The following TCERG1L variants were observed in gnomAD, a reference collection of about 807,000 sequenced individuals.
The protein encoded by TCERG1L is transcription elongation regulator 1 like.
In TCERG1L, 37 loss-of-function variants were observed where a neutral mutation model predicts 56.3. The observed-to-expected ratio is 0.66, with a 90% CI of 0.51 to 0.87. The LOEUF (loss-of-function observed/expected upper bound fraction) is 0.87, where lower values mean the gene tolerates loss of function less well. Among genes scored for constraint, TCERG1L ranks in the 40% least tolerant of loss-of-function variants. The pLI, the probability that TCERG1L is intolerant of heterozygous loss-of-function variation, is 0.00. For synonymous variants in TCERG1L, 324 were observed against 326.3 expected, an observed-to-expected ratio of 0.99 and a Z score of 0.08; for missense variants, 799 against 774.2, an observed-to-expected ratio of 1.03 and a Z score of -0.38.
chr10:131,160,039 G>A (rs760708466), intron 6 of TCERG1L, among the ~76,000 whole-genome samples: 4 of 152,170 alleles, frequency 2.6e-5, no homozygotes, highest in Admixed American at 1.3e-4. Flanking sequence ...AACATGAAAC[G>A]AGAAACGCAG....
At chr10:131,306,441 G>A (rs1419159815) in intron 3 of TCERG1L, among the ~76,000 whole-genome samples, 1 of 151,872 alleles carries the variant, frequency 6.6e-6, no homozygotes, top group East Asian at 1.9e-4. Context: ...GCAGAGAAGA[G>A]AAAAATCTAA....
At chr10:131,110,280 C>T (rs1410150444) in intron 9 of TCERG1L, among the ~76,000 whole-genome samples, 1 of 152,202 alleles carries the variant, frequency 6.6e-6, no homozygotes, top group Non-Finnish European at 1.5e-5. Flanking sequence ...ACAGACACAA[C>T]TGTCTCCTAA....
At position 131,143,146 on chromosome 10, in the gene TCERG1L, C is replaced by T. The variant is rs554316140; in HGVS notation, c.1189+3360G>A. Among the ~76,000 whole-genome samples, 92 of 152,262 alleles carry T rather than the reference C, an allele frequency of 6.0e-4. 2 individuals are homozygous for T. The highest frequency in any genetic ancestry group is 1.0e-4 in the Non-Finnish European group (7 of 68,018). ...CATCACCTTGTGTGGCTTTTAGCCT[C>T]GTGGTGATAATTTGTTACAGCAGCA... On this transcript the variant is annotated intron_variant, in intron 7 of 11. Transcript: ENST00000368642.
At position 131,163,136 on chromosome 10, in the gene TCERG1L, C is replaced by T; in HGVS notation, c.1020G>A (p.Val340=). The change falls in exon 6 of 12, where the codon GTG becomes GTA. Residue 340 remains valine (V), a synonymous_variant. Transcript: ENST00000368642. The stretch of plus-strand genomic sequence containing the variant: ...GGGTGTCTTACCAGGGGGATCCGGG[C>T]ACCGGGGTGGAGGCCACTGGCCTGT... The part of the protein sequence containing the change: ...RGNRPVASTP[V]PGSPWCVVWT... The T allele has an allele frequency of 1.9e-6, 3 of 1,578,370 alleles. No homozygotes were observed. The highest frequency in any genetic ancestry group is 2.6e-6 in the Non-Finnish European group (3 of 1,161,946).
chr10:131,296,102 G>T (rs1397284046), intron 3 of TCERG1L, among the ~76,000 whole-genome samples: 1 of 151,906 alleles, frequency 6.6e-6, no homozygotes, highest in Non-Finnish European at 1.5e-5. Flanking sequence ...AAGACCAACA[G>T]CTTTTTTTAA....
intron 10 of TCERG1L, among the ~76,000 whole-genome samples, chr10:131,101,898 T>C (rs933551933): frequency 2.0e-5 from 3 of 150,270 alleles, no homozygotes; most frequent in Non-Finnish European, 4.4e-5. Context: ...GACAGGGTTT[T>C]GCCATGTTGT....
At chr10:131,249,989 G>A (rs935564761) in intron 4 of TCERG1L, among the ~76,000 whole-genome samples, 3 of 152,224 alleles carry the variant, frequency 2.0e-5, no homozygotes, top group African/African-American at 4.8e-5. Context: ...CAGAAAGAAC[G>A]CAAGAGCAAA....
intron 4 of TCERG1L, among the ~76,000 whole-genome samples, chr10:131,242,178 A>C (rs761211278): frequency 6.6e-6 from 1 of 152,072 alleles, no homozygotes; most frequent in Non-Finnish European, 1.5e-5. Context: ...CATTCGGGGA[A>C]CGTGGCTCCC....
chr10:131,182,569 A>G (rs943218772), intron 4 of TCERG1L, among the ~76,000 whole-genome samples: 2 of 152,232 alleles, frequency 1.3e-5, no homozygotes, highest in African/African-American at 4.8e-5. Context: ...GGAACTCTGC[A>G]TGACCAAAAC....
chr10:131,308,103 C>T (rs1846834176), intron 3 of TCERG1L, 108 bp downstream of exon 3: 11 of 1,121,530 alleles, frequency 9.8e-6, no homozygotes, highest in South Asian at 7.4e-5. Flanking sequence ...TATATTTTAC[C>T]AAGATAATTG....
rs58982261 is a variant in TCERG1L at position 131,155,372 on chromosome 10, T to C, written c.1034+7750A>G. Reference sequence around the variant, plus strand: ...CATGGTCATGTCAAGCCGAGTCCACTCGGGGCCCTGCCAGCTCTGCCCAGC... The same window carrying C: ...CATGGTCATGTCAAGCCGAGTCCACCCGGGGCCCTGCCAGCTCTGCCCAGC... On this transcript the variant is annotated intron_variant, in intron 6 of 11. Coordinates refer to ENST00000368642, the MANE Select transcript of TCERG1L (RefSeq NM_174937.4). Among the ~76,000 whole-genome samples, 3,518 of 152,290 alleles carry C rather than the reference T, an allele frequency of 0.023. 187 individuals are homozygous for C. The East Asian group carries it at 0.24, about 10-fold the overall frequency.
intron 4 of TCERG1L, among the ~76,000 whole-genome samples, chr10:131,176,977 C>T (rs1397754828): frequency 7.0e-6 from 1 of 143,010 alleles, no homozygotes; most frequent in Non-Finnish European, 1.6e-5. Flanking sequence ...GACACATGAA[C>T]ACACACCAAG....
chr10:131,202,032 C>G (rs1845443095), intron 4 of TCERG1L, among the ~76,000 whole-genome samples: 1 of 152,188 alleles, frequency 6.6e-6, no homozygotes, highest in African/African-American at 2.4e-5. Flanking sequence ...AGGAAAGGTC[C>G]CATGGACAGA....
At chr10:131,246,926 C>T (rs750818262) in intron 4 of TCERG1L, among the ~76,000 whole-genome samples, 79 of 152,220 alleles carry the variant, frequency 5.2e-4, no homozygotes, top group Middle Eastern at 3.4e-3. Context: ...ACGACGCCGG[C>T]GCTGCGGCAC....
intron 1 of TCERG1L, among the ~76,000 whole-genome samples, chr10:131,310,965 G>A (rs1846884357): frequency 6.6e-6 from 1 of 152,208 alleles, no homozygotes; most frequent in Admixed American, 6.5e-5. Flanking sequence ...CGGTCACGGA[G>A]CCACTTCAGC....
At chr10:131,105,719 G>C (rs567275891) in intron 9 of TCERG1L, among the ~76,000 whole-genome samples, 1 of 152,150 alleles carries the variant, frequency 6.6e-6, no homozygotes, top group East Asian at 1.9e-4. Flanking sequence ...CCGGAGGGGG[G>C]TGGGAATACT....
At chr10:131,189,640 AG>A (rs1401147085) in intron 4 of TCERG1L, among the ~76,000 whole-genome samples, 3 of 152,202 alleles carry the variant, frequency 2.0e-5, no homozygotes, top group South Asian at 2.1e-4. Context: ...TGTGATAAAC[AG>A]GAGTGCAGGT....
intron 4 of TCERG1L, among the ~76,000 whole-genome samples, chr10:131,185,638 G>A (rs1451381576): frequency 6.6e-6 from 1 of 152,014 alleles, no homozygotes; most frequent in African/African-American, 2.4e-5. Flanking sequence ...ATGTGAAAAG[G>A]TGCTCAAAAT....
In TCERG1L at chr10:131,297,491, C is replaced by A. The variant is rs138201704; in HGVS notation, c.670+10720G>T. ...TTTGATTTGTTAATGTTATCTTGAGCCTTCTTTGCATGTATGTTCAAAAAT... is the reference window on the plus strand; with the variant it reads ...TTTGATTTGTTAATGTTATCTTGAGACTTCTTTGCATGTATGTTCAAAAAT... On this transcript the variant is annotated intron_variant, in intron 3 of 11. Coordinates refer to ENST00000368642, the MANE Select transcript of TCERG1L (RefSeq NM_174937.4). 5.5e-4 allele frequency among the ~76,000 whole-genome samples: 83 copies of A among 152,158 alleles called. 1 individual carries two copies. In the East Asian group the frequency reaches 0.011, roughly 21 times the overall value.
Sources: gnomAD v4.1 joint callset for allele counts (sites outside exome capture counted in the v4.1 genomes callset) on GRCh38, gnomAD v4.1.1 for gene constraint, MANE v1.5 for transcripts, NCBI Gene and HGNC (gene_info 2026-07-23, HGNC 2026-07-21) for gene names.